THSD7B: variants seen among roughly 807,000 people sequenced by gnomAD.
The protein encoded by THSD7B is thrombospondin type 1 domain containing 7B.
Under a neutral mutation model 213.6 loss-of-function variants are expected in THSD7B, and 138 were observed. The ratio of observed to expected loss-of-function variants is 0.65; its 90% CI spans 0.56 to 0.74. The LOEUF is 0.74. THSD7B is among the 30% of genes least tolerant of loss of function. THSD7B has a pLI of 0.00. For missense variants in THSD7B, 1,931 were observed against 1,991.5 expected, an observed-to-expected ratio of 0.97 and a Z score of 0.58; for synonymous variants, 742 against 687.0, an observed-to-expected ratio of 1.08 and a Z score of -1.25.
At position 136,905,325 on chromosome 2, in the gene THSD7B, TC is replaced by T. The variant is rs1462725899; in HGVS notation, c.139+23009del. 4.6e-5 allele frequency among the ~76,000 whole-genome samples: 7 copies of T among 152,192 alleles called. No homozygotes were observed. The East Asian group carries it at 1.2e-3, about 25-fold the overall frequency. On this transcript the variant is annotated intron_variant, in intron 2 of 27. Coordinates refer to ENST00000409968, the MANE Select transcript of THSD7B (RefSeq NM_001316349.2). The stretch of plus-strand genomic sequence containing the variant: ...GAGGATACAGTGATGATTCCCTCTT[TC>T]TTCACTCTGAGTTTACCATCTAGTT...
intron 2 of THSD7B, chr2:136,990,816 G>A: frequency 1.7e-6 from 2 of 1,174,418 alleles, no homozygotes; most frequent in South Asian, 1.3e-5. Flanking sequence ...CCTGGCCGAT[G>A]GTGTTTCTTC....
chr2:137,313,120 C>A (rs1237299619), intron 12 of THSD7B, among the ~76,000 whole-genome samples: 1 of 151,968 alleles, frequency 6.6e-6, no homozygotes, highest in African/African-American at 2.4e-5. Flanking sequence ...TAAAGTCTCC[C>A]ATTATTAATA....
intron 2 of THSD7B, among the ~76,000 whole-genome samples, chr2:136,921,057 C>A (rs73957713): frequency 6.6e-6 from 1 of 151,822 alleles, no homozygotes; most frequent in Non-Finnish European, 1.5e-5. Context: ...GGGAGTGCGG[C>A]CTTCTGCACT....
chr2:137,399,622 A>T (rs1686304144), intron 12 of THSD7B, among the ~76,000 whole-genome samples: 2 of 152,132 alleles, frequency 1.3e-5, no homozygotes, highest in Admixed American at 1.3e-4. Flanking sequence ...TGCTTTAAAA[A>T]TTCTTTTCTT....
chr2:137,404,377 C>T (rs565632653), intron 12 of THSD7B, among the ~76,000 whole-genome samples: 45 of 141,594 alleles, frequency 3.2e-4, no homozygotes, highest in African/African-American at 1.2e-3. Flanking sequence ...ATAGGAAAAT[C>T]GTGGAACCCA....
At chr2:136,864,859 A>G (rs925945047) in intron 1 of THSD7B, among the ~76,000 whole-genome samples, 7 of 152,130 alleles carry the variant, frequency 4.6e-5, no homozygotes, top group African/African-American at 1.4e-4. Context: ...GCCTATTTTT[A>G]TACTCTTGAT....
chr2:136,916,262 T>C (rs1434967457), intron 2 of THSD7B, among the ~76,000 whole-genome samples: 1 of 152,240 alleles, frequency 6.6e-6, no homozygotes, highest in African/African-American at 2.4e-5. Context: ...TAAGAGCATA[T>C]ACTAACCTCT....
At chr2:137,579,002 T>G (rs1236399214) in intron 17 of THSD7B, among the ~76,000 whole-genome samples, 1 of 152,180 alleles carries the variant, frequency 6.6e-6, no homozygotes, top group Non-Finnish European at 1.5e-5. Flanking sequence ...CTCAAATTAT[T>G]TCAAATCTTG....
intron 11 of THSD7B, among the ~76,000 whole-genome samples, chr2:137,273,038 A>G (rs1682785709): frequency 6.7e-6 from 1 of 149,454 alleles, no homozygotes; most frequent in Admixed American, 6.6e-5. Flanking sequence ...ACACACACAC[A>G]CACACACACA....
At chr2:137,093,891 C>T (rs898419442) in intron 3 of THSD7B, among the ~76,000 whole-genome samples, 2 of 152,158 alleles carry the variant, frequency 1.3e-5, no homozygotes, top group Non-Finnish European at 2.9e-5. Flanking sequence ...AGGTATATCT[C>T]CTAATGCCAC....
chr2:137,560,717 A>G (rs1385825703), intron 15 of THSD7B, among the ~76,000 whole-genome samples: 1 of 151,712 alleles, frequency 6.6e-6, no homozygotes, highest in Non-Finnish European at 1.5e-5. Flanking sequence ...ATAATAAAAT[A>G]TATATATATA....
At chr2:136,915,004 A>G (rs907121545) in intron 2 of THSD7B, among the ~76,000 whole-genome samples, 1 of 152,200 alleles carries the variant, frequency 6.6e-6, no homozygotes, top group Non-Finnish European at 1.5e-5. Flanking sequence ...AGACTAGAAA[A>G]ATTCAAGTTA....
At chr2:137,337,506 T>C (rs1259043045) in intron 12 of THSD7B, among the ~76,000 whole-genome samples, 1 of 152,132 alleles carries the variant, frequency 6.6e-6, no homozygotes, top group Non-Finnish European at 1.5e-5. Context: ...TTGTTTATGT[T>C]GTGTCTGGAG....
intron 5 of THSD7B, among the ~76,000 whole-genome samples, chr2:137,155,772 A>G: frequency 6.6e-6 from 1 of 152,194 alleles, no homozygotes; most frequent in East Asian, 1.9e-4. Flanking sequence ...ATTTTATTTA[A>G]AGGTATAAAG....
intron 17 of THSD7B, among the ~76,000 whole-genome samples, chr2:137,599,289 G>A (rs1225450125): frequency 1.3e-5 from 2 of 151,808 alleles, no homozygotes; most frequent in Non-Finnish European, 2.9e-5. Flanking sequence ...ATCATTGTTG[G>A]ACATTTGGGT....
chr2:137,031,080 A>G (rs1686656817), intron 2 of THSD7B, among the ~76,000 whole-genome samples: 1 of 152,174 alleles, frequency 6.6e-6, no homozygotes, highest in Non-Finnish European at 1.5e-5. Flanking sequence ...GCAGTAGCTC[A>G]TGCCTATAAT....
chr2:137,073,388 G>T lies in THSD7B; in HGVS notation c.950+16158G>T, dbSNP rs1193292519. Among the ~76,000 whole-genome samples, 6 of 152,210 alleles carry T rather than the reference G, an allele frequency of 3.9e-5. 1 individual carries two copies. In the South Asian group the frequency reaches 1.0e-3, roughly 26 times the overall value. ...TTCTTCTAGATTTTCTAGTTTATTT[G>T]TGTAGAGGTGTTTATAGTATTCTCT... On this transcript the variant is annotated intron_variant, in intron 3 of 27. Transcript: ENST00000409968.
At chr2:137,460,259 G>A (rs1363943526) in intron 15 of THSD7B, among the ~76,000 whole-genome samples, 2 of 152,080 alleles carry the variant, frequency 1.3e-5, no homozygotes, top group Non-Finnish European at 2.9e-5. Flanking sequence ...TGGTCAATGA[G>A]TATAATTGTG....
At chr2:137,539,336 A>G (rs372300411) in intron 15 of THSD7B, among the ~76,000 whole-genome samples, 45 of 151,776 alleles carry the variant, frequency 3.0e-4, no homozygotes, top group African/African-American at 1.0e-3. Flanking sequence ...TCAAATGGCT[A>G]GGTGGTTTGG....
Sources: allele counts gnomAD v4.1 joint callset (sites outside exome capture counted in the v4.1 genomes callset), GRCh38; gene constraint gnomAD v4.1.1; transcripts MANE v1.5; gene names NCBI Gene and HGNC (gene_info 2026-07-23, HGNC 2026-07-21).